ARFGAP1: variants seen among roughly 807,000 people sequenced by gnomAD.
The protein encoded by ARFGAP1 is ADP-ribosylation factor GTPase-activating protein 1.
A neutral mutation model predicts 54.0 loss-of-function variants in ARFGAP1; 26 were observed. The observed-to-expected ratio is 0.48, with a 90% CI of 0.35 to 0.67. The LOEUF is 0.67. Among genes scored for constraint, ARFGAP1 ranks in the 30% least tolerant of loss-of-function variants. ARFGAP1 has a pLI of 0.00. For synonymous variants in ARFGAP1, 248 were observed against 211.9 expected (o/e 1.17, Z -1.48); for missense variants, 525 against 535.8 (o/e 0.98, Z 0.20).
chr20:63,276,616 T>C lies in ARFGAP1; in HGVS notation c.307T>C (p.Tyr103His). 1 of 1,613,466 alleles carries C rather than the reference T, an allele frequency of 6.2e-7. No homozygotes were observed. Among genetic ancestry groups the C allele is most frequent in the Admixed American group, 1.7e-5 (1 of 59,958 alleles). ...TCCTTGCTGGTCCTTGCAGGAGAAG[T>C]ACAACAGCAGAGCCGCGGCCCTCTT... ...YDPCWSLQEK[Y>H]NSRAAALFRD... Residue 103 changes from tyrosine (Y) to histidine (H), a missense_variant, in exon 4 of 13, where the codon TAC (tyrosine) becomes CAC (histidine). Tyr to His is a moderately conservative substitution (Grantham distance 83). Coordinates refer to ENST00000370283, the MANE Select transcript of ARFGAP1 (RefSeq NM_018209.4). This position sits in a 1 kb window ranked among gnomAD's most constrained non-coding sequence, Gnocchi z 5.2.
Position 63,288,120 on chromosome 20 carries a change from T to C in ARFGAP1, c.*247T>C. 8.2e-6 allele frequency: 5 copies of C among 607,920 alleles called. No individual in the cohort carries two copies. The highest frequency in any genetic ancestry group is 1.5e-5 in the Non-Finnish European group (5 of 338,802). 37.7% of individuals were successfully genotyped at this position (607,920 alleles called of 1,614,324 possible). On this transcript the variant is annotated 3_prime_UTR_variant, in exon 13 of 13. Coordinates refer to ENST00000370283, the MANE Select transcript of ARFGAP1 (RefSeq NM_018209.4). The stretch of plus-strand genomic sequence containing the variant: ...TCCCGTCCCACACTCCCCTGGGCAT[T>C]CTTGGACTCAAGGCCGGGGCTCTGC...
chr20:63,287,377 G>A (rs929422392), intron 12 of ARFGAP1, among the ~76,000 whole-genome samples, 187 bp from the exon 13 acceptor site: 1 of 152,216 alleles, frequency 6.6e-6, no homozygotes, highest in African/African-American at 2.4e-5. Flanking sequence ...TGGTTCTCCA[G>A]CTCCCCAGCA....
At chr20:63,277,682 G>T (rs1264598930) in intron 5 of ARFGAP1, among the ~76,000 whole-genome samples, 1 of 151,976 alleles carries the variant, frequency 6.6e-6, no homozygotes, top group African/African-American at 2.4e-5. Flanking sequence ...TCATGGATGC[G>T]TCCCACATCC....
chr20:63,284,504 G>C (rs971728158), intron 9 of ARFGAP1: 17 of 1,133,996 alleles, frequency 1.5e-5, no homozygotes, highest in Admixed American at 8.4e-5. Context: ...GGAAGGAGAG[G>C]CGTTGCAGGT....
At chr20:63,285,575 C>A (rs1053107662) in intron 10 of ARFGAP1, 79 bp from the exon 11 acceptor site, 6 of 1,484,306 alleles carry the variant, frequency 4.0e-6, no homozygotes, top group South Asian at 2.3e-5. Context: ...TGCCCTCACC[C>A]GGGGGATTCC....
chr20:63,288,983 C>T lies in ARFGAP1; in HGVS notation c.*1110C>T, dbSNP rs1430345052. The T allele has an allele frequency of 3.0e-5, 6 of 199,638 alleles. No homozygotes were observed. The South Asian group carries it at 4.0e-4, about 13-fold the overall frequency. The allele number at this position is 199,638 out of a possible 1,614,324, so 12.4% of individuals were successfully genotyped here. A position where few individuals can be genotyped will look rare whatever the true frequency, so the allele number is the denominator to read the frequency against. On this transcript the variant is annotated 3_prime_UTR_variant, in exon 13 of 13. Coordinates refer to ENST00000370283, the MANE Select transcript of ARFGAP1 (RefSeq NM_018209.4). ...CACCCCACTTCCCGGTCGCCGTCTG[C>T]AGCACTCCTGGAGCAGCCTGGGCCC...
intron 7 of ARFGAP1, among the ~76,000 whole-genome samples, chr20:63,280,913 T>TA (rs2067363265): frequency 6.6e-6 from 1 of 152,238 alleles, no homozygotes; most frequent in African/African-American, 2.4e-5. Context: ...GAGAGCAGGT[T>TA]ACGCTGGTCG....
intron 8 of ARFGAP1, 99 bp from the exon 9 acceptor site, chr20:63,282,720 T>C (rs1273183564): frequency 7.6e-7 from 1 of 1,308,514 alleles, no homozygotes; most frequent in Non-Finnish European, 1.1e-6. Context: ...CCGGGGGCCA[T>C]TGAGAGACAG....
rs981581179 is a variant in ARFGAP1 at position 63,276,784 on chromosome 20, C to G, written c.342+133C>G. 2 of 1,075,876 alleles carry G rather than the reference C, an allele frequency of 1.9e-6. No individual in the cohort carries two copies. The highest frequency in any genetic ancestry group is 5.9e-5 in the Admixed American group (2 of 33,786). The allele number at this position is 1,075,876 out of a possible 1,614,324, so 66.6% of individuals were successfully genotyped here. On this transcript the variant is annotated intron_variant, in intron 4 of 12. Transcript: ENST00000370283. The surrounding 1 kb of genome is among the most constrained non-coding windows in gnomAD (Gnocchi z 5.2). Reference sequence around the variant, plus strand: ...TCTGACACACCCACTGGGCCACACACAACTTGCCGCCCTGGAGCAGAGGCT... The same window carrying G: ...TCTGACACACCCACTGGGCCACACAGAACTTGCCGCCCTGGAGCAGAGGCT...
chr20:63,286,760 G>T, intron 12 of ARFGAP1: 2 of 286,608 alleles, frequency 7.0e-6, no homozygotes, highest in Non-Finnish European at 1.3e-5. Flanking sequence ...CCAGGCTAGG[G>T]TGGGAGGGAG....
chr20:63,284,985 A>G, intron 10 of ARFGAP1, 63 bp downstream of exon 10: 1 of 1,571,092 alleles, frequency 6.4e-7, no homozygotes, highest in Non-Finnish European at 8.7e-7. Flanking sequence ...TGGGTGTGTC[A>G]GGGGTGTTAG....
In ARFGAP1 at chr20:63,279,337, C is replaced by G. The variant is rs142347708; in HGVS notation, c.627+342C>G. On this transcript the variant is annotated intron_variant, in intron 7 of 12. Coordinates refer to ENST00000370283, the MANE Select transcript of ARFGAP1 (RefSeq NM_018209.4). ...TCTCCTGCCTCAGCCTCCTGAGTAG[C>G]TGGGATTATAGGCACCTACTATCAC... The G allele has an allele frequency of 5.1e-3, 2,085 of 409,390 alleles. 34 individuals carry two copies. Among genetic ancestry groups the G allele is most frequent in the African/African-American group, 0.04 (1,930 of 47,904 alleles). 25.4% of individuals were successfully genotyped at this position (409,390 alleles called of 1,614,324 possible). A position where few individuals can be genotyped will look rare whatever the true frequency, so the allele number is the denominator to read the frequency against.
At position 63,276,045 on chromosome 20, in the gene ARFGAP1, G is replaced by C. The variant is rs2067227662; in HGVS notation, c.61-46G>C. ...CCTGTCGGGTCTTTGGGGTCCCTGG[G>C]CTCTGCCCTGAGCCACCTGGTGAGT... On this transcript the variant is annotated intron_variant, in intron 2 of 12. Transcript: ENST00000370283. This position sits in a 1 kb window ranked among gnomAD's most constrained non-coding sequence, Gnocchi z 5.2. 6.3e-7 allele frequency: 1 copy of C among 1,579,440 alleles called. No homozygotes were observed. Among genetic ancestry groups the C allele is most frequent in the South Asian group, 1.1e-5 (1 of 90,428 alleles).
chr20:63,281,570 G>A (rs2067381317), intron 8 of ARFGAP1, among the ~76,000 whole-genome samples: 1 of 152,172 alleles, frequency 6.6e-6, no homozygotes, highest in Non-Finnish European at 1.5e-5. Context: ...CTGCTCCTGT[G>A]TCAGACCAGC....
chr20:63,287,710 A>G lies in ARFGAP1; in HGVS notation c.1058A>G (p.Asp353Gly), dbSNP rs2067598420. ...SPSSDSWTCA[D>G]TSTERRSSDS... Reference sequence around the variant, plus strand: ...AGCAGCGACAGCTGGACGTGCGCGGACACCTCCACCGAGAGGAGGAGCTCG... The same window carrying G: ...AGCAGCGACAGCTGGACGTGCGCGGGCACCTCCACCGAGAGGAGGAGCTCG... Residue 353 changes from aspartate to glycine, a missense_variant, in exon 13 of 13, where the codon GAC becomes GGC. Physicochemically the swap from Asp to Gly is moderately conservative, Grantham distance 94. Around this residue, in one of 3 missense-constraint regions of ARFGAP1, gnomAD observed 466 missense variants for 453.6 expected, o/e 1.03. Transcript: ENST00000370283. 1.2e-6 allele frequency: 2 copies of G among 1,610,802 alleles called. No homozygotes were observed. The highest frequency in any genetic ancestry group is 1.1e-5 in the South Asian group (1 of 90,764).
chr20:63,274,555 T>C (rs1285880441), intron 1 of ARFGAP1, among the ~76,000 whole-genome samples: 1 of 151,880 alleles, frequency 6.6e-6, no homozygotes, highest in African/African-American at 2.4e-5. Flanking sequence ...GTTCTCTGTG[T>C]AGTGAGAGGT....
At chr20:63,273,351 C>T (rs889063303) in intron 1 of ARFGAP1, 1 of 152,272 alleles carries the variant, frequency 6.6e-6, no homozygotes, top group Non-Finnish European at 1.5e-5. Flanking sequence ...CAGGACTCGG[C>T]CTGGACACAT....
chr20:63,278,054 T>C, intron 5 of ARFGAP1, 63 bp from the exon 6 acceptor site: 1 of 1,490,926 alleles, frequency 6.7e-7, no homozygotes, highest in South Asian at 1.1e-5. Flanking sequence ...CTGGGGGTGC[T>C]TCTGGGGTTA....
chr20:63,288,436 A>T lies in ARFGAP1; in HGVS notation c.*563A>T, dbSNP rs1445974925. 1 of 456,104 alleles carries T rather than the reference A, an allele frequency of 2.2e-6. No individual in the cohort carries two copies. Among genetic ancestry groups the T allele is most frequent in the Non-Finnish European group, 4.4e-6 (1 of 226,824 alleles). The allele number at this position is 456,104 out of a possible 1,614,324, so 28.3% of individuals were successfully genotyped here. A position where few individuals can be genotyped will look rare whatever the true frequency, so the allele number is the denominator to read the frequency against. On this transcript the variant is annotated 3_prime_UTR_variant, in exon 13 of 13. Transcript: ENST00000370283. ...CACGCCTGCCTGGGCCTGTGCTGTC[A>T]GACCCGCGTCGGTCGTAACCCTCTG...
Sources: gnomAD v4.1 joint callset for allele counts (sites outside exome capture counted in the v4.1 genomes callset) on GRCh38, gnomAD v4.1.1 for gene constraint, gnomAD v4.1.1 regional missense constraint, Gnocchi (gnomAD v3.1) non-coding constraint, MANE v1.5 for transcripts, NCBI Gene and HGNC (gene_info 2026-07-23, HGNC 2026-07-21) for gene names.